ADAM9: variants seen among roughly 807,000 people sequenced by gnomAD.
ADAM9 encodes ADAM metallopeptidase domain 9.
Under a neutral mutation model 108.1 loss-of-function variants are expected in ADAM9, and 54 were observed. That is an observed-to-expected ratio of 0.50 (90% CI 0.40 to 0.63). ADAM9 has a LOEUF of 0.63. Ranked by LOEUF, ADAM9 falls within the 20% of genes least tolerant of loss-of-function variation. ADAM9 has a pLI of 0.00. For synonymous variants in ADAM9, 316 were observed against 336.0 expected (o/e 0.94, Z 0.65); for missense variants, 830 against 997.7 (o/e 0.83, Z 2.26).
At position 39,101,844 on chromosome 8, in the gene ADAM9, ATT is replaced by A; in HGVS notation, c.2299-10_2299-9del. 1 of 1,478,124 alleles carries A rather than the reference ATT, an allele frequency of 6.8e-7. No homozygotes were observed. The highest frequency in any genetic ancestry group is 9.3e-7 in the Non-Finnish European group (1 of 1,072,976). The allele number at this position is 1,478,124 out of a possible 1,614,324, so 91.6% of individuals were successfully genotyped here. The stretch of plus-strand genomic sequence containing the variant: ...ATGAGCACATAGTGGTAATAACCTT[ATT>A]TTTTTTTTCTTTTTAGCCTATATAT... On this transcript the variant is annotated splice_polypyrimidine_tract_variant and intron_variant, in intron 20 of 21. Coordinates refer to ENST00000487273, the MANE Select transcript of ADAM9 (RefSeq NM_003816.3).
At chr8:39,024,221 A>T (rs1220967558) in intron 9 of ADAM9, among the ~76,000 whole-genome samples, 1 of 152,086 alleles carries the variant, frequency 6.6e-6, no homozygotes, top group Non-Finnish European at 1.5e-5. Context: ...CAGGCTTCTG[A>T]ATTTTCCTGA....
chr8:39,012,022 A>G (rs1190921379), intron 3 of ADAM9, among the ~76,000 whole-genome samples: 1 of 152,226 alleles, frequency 6.6e-6, no homozygotes, highest in Non-Finnish European at 1.5e-5. Flanking sequence ...AATAGGGTCC[A>G]ATTACTGGAA....
intron 12 of ADAM9, among the ~76,000 whole-genome samples, chr8:39,042,784 G>T (rs1837492345): frequency 1.3e-5 from 2 of 152,102 alleles, no homozygotes; most frequent in Admixed American, 1.3e-4. Flanking sequence ...GCATGAAATT[G>T]ATCCTTCTAA....
intron 11 of ADAM9, among the ~76,000 whole-genome samples, chr8:39,039,943 G>A (rs1157223090): frequency 6.6e-6 from 1 of 152,148 alleles, no homozygotes; most frequent in Admixed American, 6.5e-5. Flanking sequence ...TTTCTTTAGG[G>A]AACTCCTATT....
At chr8:39,072,149 G>A (rs1838714985) in intron 15 of ADAM9, among the ~76,000 whole-genome samples, 1 of 152,020 alleles carries the variant, frequency 6.6e-6, no homozygotes, top group Non-Finnish European at 1.5e-5. Context: ...TTTGCTTTTT[G>A]TAAAACATTA....
At position 39,054,598 on chromosome 8, in the gene ADAM9, A is replaced by C; in HGVS notation, c.1395+25A>C. The C allele has an allele frequency of 4.2e-6, 6 of 1,418,582 alleles. 1 individual carries two copies. Among genetic ancestry groups the C allele is most frequent in the Non-Finnish European group, 5.8e-6 (6 of 1,042,490 alleles). 87.9% of individuals were successfully genotyped at this position (1,418,582 alleles called of 1,614,324 possible). A position where few individuals can be genotyped will look rare whatever the true frequency, so the allele number is the denominator to read the frequency against. On this transcript the variant is annotated intron_variant, in intron 13 of 21. Coordinates refer to ENST00000487273, the MANE Select transcript of ADAM9 (RefSeq NM_003816.3). ...GGTAAGGAATTCCTCCCTTTTGGAAACAGGAAAAAAAAAAAAAAAAAAAAG... is the reference window on the plus strand; with the variant it reads ...GGTAAGGAATTCCTCCCTTTTGGAACCAGGAAAAAAAAAAAAAAAAAAAAG...
chr8:39,098,410 T>C (rs962678987), intron 20 of ADAM9, among the ~76,000 whole-genome samples: 1 of 152,240 alleles, frequency 6.6e-6, no homozygotes, highest in African/African-American at 2.4e-5. Context: ...TGTTAGACTT[T>C]TTACTATCTC....
chr8:39,026,933 A>G, intron 11 of ADAM9, 123 bp downstream of exon 11: 1 of 1,318,598 alleles, frequency 7.6e-7, no homozygotes, highest in Non-Finnish European at 1.1e-6. Flanking sequence ...TGCTGAAATT[A>G]ATTGCATGAC....
intron 14 of ADAM9, among the ~76,000 whole-genome samples, chr8:39,070,072 T>A (rs969908976): frequency 1.3e-5 from 2 of 150,374 alleles, no homozygotes; most frequent in Admixed American, 6.6e-5. Context: ...AGGATCACTT[T>A]AGCCTGTGAG....
chr8:39,075,803 A>G (rs1838834698), intron 15 of ADAM9: 1 of 152,216 alleles, frequency 6.6e-6, no homozygotes, highest in Non-Finnish European at 1.5e-5. Context: ...TGAGGTTTTC[A>G]TATCTAATTT....
chr8:39,071,216 G>T lies in ADAM9; in HGVS notation c.1592-82G>T, dbSNP rs78079150. 2,134 of 1,317,460 alleles carry T rather than the reference G, an allele frequency of 1.6e-3. 33 individuals carry two copies. In the African/African-American group the frequency reaches 0.028, roughly 17 times the overall value. The allele number at this position is 1,317,460 out of a possible 1,614,324, so 81.6% of individuals were successfully genotyped here. A position where few individuals can be genotyped will look rare whatever the true frequency, so the allele number is the denominator to read the frequency against. ...TTGAGGCTGTTCATCCAGGTGTTTA[G>T]ACTGTTGTAGGGAATACTTTTATTT... is the stretch of plus-strand genomic sequence containing the variant. On this transcript the variant is annotated intron_variant, in intron 14 of 21. Coordinates refer to ENST00000487273, the MANE Select transcript of ADAM9 (RefSeq NM_003816.3).
At chr8:39,048,579 A>G (rs967703159) in intron 12 of ADAM9, among the ~76,000 whole-genome samples, 2 of 152,110 alleles carry the variant, frequency 1.3e-5, no homozygotes, top group Non-Finnish European at 1.5e-5. Flanking sequence ...GTATATGTCT[A>G]TTAGTTTGAT....
chr8:39,080,947 A>AG (rs1839002514), intron 16 of ADAM9, among the ~76,000 whole-genome samples: 2 of 98,796 alleles, frequency 2.0e-5, no homozygotes, highest in Admixed American at 2.3e-4. Context: ...CCACTGTGAG[A>AG]GTTTTTTTTT....
At chr8:39,080,633 T>G (rs1182025062) in intron 16 of ADAM9, among the ~76,000 whole-genome samples, 1 of 152,238 alleles carries the variant, frequency 6.6e-6, no homozygotes, top group Non-Finnish European at 1.5e-5. Context: ...AAGCCTAGAC[T>G]GGACAGTTTG....
chr8:39,078,023 G>T (rs1171047406), intron 16 of ADAM9, among the ~76,000 whole-genome samples: 1 of 152,118 alleles, frequency 6.6e-6, no homozygotes, highest in Non-Finnish European at 1.5e-5. Flanking sequence ...ATATGAGGGA[G>T]CAGGATTGTT....
intron 11 of ADAM9, among the ~76,000 whole-genome samples, chr8:39,031,721 G>A (rs776007320): frequency 3.9e-5 from 6 of 152,228 alleles, no homozygotes; most frequent in Non-Finnish European, 8.8e-5. Context: ...CTTTGGAGGA[G>A]AAGGGGCGCT....
chr8:39,077,207 A>C, intron 15 of ADAM9, 21 bp from the exon 16 acceptor site: 1 of 1,613,514 alleles, frequency 6.2e-7, no homozygotes, highest in Non-Finnish European at 8.5e-7. Flanking sequence ...TTTATGTTGC[A>C]TTATTTCTCT....
At chr8:39,022,064 TTGTGTGTGTGTGTG>T (rs552684363) in intron 8 of ADAM9, among the ~76,000 whole-genome samples, 2 of 141,470 alleles carry the variant, frequency 1.4e-5, no homozygotes, top group African/African-American at 2.6e-5. Flanking sequence ...ATGACAATAT[TTGTGTGTGTGTGTG>T]TGTGTGTGTG....
chr8:39,064,992 G>A (rs1838411791), intron 14 of ADAM9, among the ~76,000 whole-genome samples: 1 of 152,180 alleles, frequency 6.6e-6, no homozygotes, highest in East Asian at 1.9e-4. Context: ...ATGCCTTGAT[G>A]TGGGTTTGTT....
Sources: allele counts gnomAD v4.1 joint callset (sites outside exome capture counted in the v4.1 genomes callset), GRCh38; gene constraint gnomAD v4.1.1; transcripts MANE v1.5; gene names NCBI Gene and HGNC (gene_info 2026-07-23, HGNC 2026-07-21).